Variants in RORA observed in about 807,000 individuals in gnomAD.
The protein encoded by RORA is nuclear receptor ROR-alpha.
Under a neutral mutation model 69.5 loss-of-function variants are expected in RORA, and 7 were observed. The ratio of observed to expected loss-of-function variants is 0.10; its 90% CI spans 0.06 to 0.19. The LOEUF (loss-of-function observed/expected upper bound fraction) is 0.19. Among genes scored for constraint, RORA ranks in the 10% least tolerant of loss-of-function variants. The pLI is 1.00. For synonymous variants in RORA, 261 were observed against 240.8 expected (o/e 1.08, Z -0.78); for missense variants, 457 against 663.0 (o/e 0.69, Z 3.41).
intron 2 of RORA, among the ~76,000 whole-genome samples, chr15:60,553,219 C>T (rs1177786255): frequency 1.3e-5 from 2 of 152,142 alleles, no homozygotes; most frequent in East Asian, 1.9e-4. Flanking sequence ...CTTTTCTGAA[C>T]CAGGAATTAC....
At chr15:60,820,471 T>A (rs1460558558) in intron 1 of RORA, among the ~76,000 whole-genome samples, 1 of 152,150 alleles carries the variant, frequency 6.6e-6, no homozygotes, top group Non-Finnish European at 1.5e-5. Context: ...TATTTTTATG[T>A]AAAACATAGG....
chr15:60,876,147 A>G (rs1595784229), intron 1 of RORA, among the ~76,000 whole-genome samples: 1 of 152,202 alleles, frequency 6.6e-6, no homozygotes. Context: ...TCAAGCCACA[A>G]TAGCATAAAT....
intron 1 of RORA, among the ~76,000 whole-genome samples, chr15:61,083,299 C>G (rs1258704857): frequency 4.6e-5 from 7 of 152,160 alleles, no homozygotes; most frequent in Admixed American, 3.9e-4. Context: ...AAATTCCAGG[C>G]AGAATCCAAA....
chr15:60,886,967 A>T (rs1161314482), intron 1 of RORA, among the ~76,000 whole-genome samples: 1 of 152,128 alleles, frequency 6.6e-6, no homozygotes, highest in Non-Finnish European at 1.5e-5. Context: ...CACTAGAACA[A>T]CATCATCTGT....
At chr15:60,725,732 C>A (rs866501061) in intron 1 of RORA, among the ~76,000 whole-genome samples, 1 of 152,150 alleles carries the variant, frequency 6.6e-6, no homozygotes, top group Non-Finnish European at 1.5e-5. Flanking sequence ...TTGTGCCTTT[C>A]GGGATCTAGT....
intron 1 of RORA, among the ~76,000 whole-genome samples, chr15:60,945,239 C>T (rs950416222): frequency 1.6e-4 from 24 of 152,164 alleles, no homozygotes; most frequent in Non-Finnish European, 4.4e-5. Flanking sequence ...AGAACAGGAA[C>T]TCTCATCTCT....
intron 1 of RORA, among the ~76,000 whole-genome samples, chr15:61,000,689 A>G (rs1894717320): frequency 1.3e-5 from 2 of 152,226 alleles, no homozygotes; most frequent in South Asian, 4.1e-4. Flanking sequence ...GAAAAAGGGC[A>G]ATTTGATTAC....
chr15:60,631,747 T>G (rs142006416), intron 2 of RORA, among the ~76,000 whole-genome samples: 6 of 152,226 alleles, frequency 3.9e-5, no homozygotes, highest in African/African-American at 4.8e-5. Flanking sequence ...CCTCACAGGC[T>G]CCTGGCTTAC....
At chr15:60,741,095 G>A (rs958885227) in intron 1 of RORA, among the ~76,000 whole-genome samples, 2 of 152,206 alleles carry the variant, frequency 1.3e-5, no homozygotes, top group African/African-American at 4.8e-5. Flanking sequence ...TAAACCGCTT[G>A]AGTTATCCCC....
At chr15:61,199,897 G>A (rs921097237) in intron 1 of RORA, among the ~76,000 whole-genome samples, 9 of 152,168 alleles carry the variant, frequency 5.9e-5, no homozygotes, top group African/African-American at 1.4e-4. Context: ...CCGTGCTGTC[G>A]GGGACTGGGA....
intron 2 of RORA, among the ~76,000 whole-genome samples, chr15:60,636,724 C>T (rs1283217088): frequency 6.6e-6 from 1 of 152,142 alleles, no homozygotes; most frequent in Non-Finnish European, 1.5e-5. Flanking sequence ...AATATCACCG[C>T]ATCATATTAT....
intron 1 of RORA, among the ~76,000 whole-genome samples, chr15:61,054,057 G>A (rs2078055762): frequency 6.6e-6 from 1 of 151,768 alleles, no homozygotes; most frequent in South Asian, 2.1e-4. Context: ...CAAAGCTGCT[G>A]GGTGGTAGGT....
At chr15:60,755,914 C>A (rs1341083620) in intron 1 of RORA, among the ~76,000 whole-genome samples, 1 of 152,208 alleles carries the variant, frequency 6.6e-6, no homozygotes, top group East Asian at 1.9e-4. Context: ...CATTCATTCA[C>A]TCATTCATTT....
rs139670840 is a variant in RORA, at chr15:61,058,360, G to A, written c.166+170693C>T. 3.9e-3 allele frequency among the ~76,000 whole-genome samples: 594 copies of A among 152,282 alleles called. 3 individuals are homozygous for A. Among genetic ancestry groups the A allele is most frequent in the African/African-American group, 0.014 (572 of 41,534 alleles). On this transcript the variant is annotated intron_variant, in intron 1 of 10. Coordinates refer to ENST00000335670, the MANE Select transcript of RORA (RefSeq NM_134261.3). Reference sequence around the variant, plus strand: ...TTGGATGAGTGAATGTGCAGGCGGTGCCAGTTCAGGAGGAAGAAGGAAATG... The same window carrying A: ...TTGGATGAGTGAATGTGCAGGCGGTACCAGTTCAGGAGGAAGAAGGAAATG...
intron 1 of RORA, among the ~76,000 whole-genome samples, chr15:60,871,318 C>T (rs141400190): frequency 3.5e-3 from 540 of 152,232 alleles, no homozygotes; most frequent in Non-Finnish European, 4.1e-3. Context: ...GGTAACCTTC[C>T]TGTTAAATTT....
chr15:60,551,222 T>C (rs2067219271), intron 2 of RORA, among the ~76,000 whole-genome samples: 1 of 152,022 alleles, frequency 6.6e-6, no homozygotes. Flanking sequence ...CCCTTCCCTG[T>C]TGTTTTGATA....
intron 1 of RORA, among the ~76,000 whole-genome samples, chr15:60,920,201 G>A (rs906745608): frequency 5.3e-5 from 8 of 152,178 alleles, no homozygotes; most frequent in Admixed American, 2.0e-4. Flanking sequence ...ATCTATCTAT[G>A]TATCTATCTA....
At chr15:60,547,116 C>A (rs1354765036) in intron 2 of RORA, among the ~76,000 whole-genome samples, 2 of 152,130 alleles carry the variant, frequency 1.3e-5, no homozygotes, top group African/African-American at 4.8e-5. Context: ...CATTGTCATC[C>A]ACTCTATTAA....
In RORA at chr15:60,537,916, A is replaced by C. The variant is rs1010154040; in HGVS notation, c.197-6065T>G. On this transcript the variant is annotated intron_variant, in intron 2 of 10. Transcript: ENST00000335670. This position sits in a 1 kb window ranked among gnomAD's most constrained non-coding sequence, Gnocchi z 4.9. The stretch of plus-strand genomic sequence containing the variant: ...TTTTTGGCAAAAATAGTAATGCCTG[A>C]GTTTTTGCAGAATTCTATATAGTTT... Among the ~76,000 whole-genome samples the C allele has an allele frequency of 2.6e-5, 4 of 152,158 alleles. No homozygotes were observed. The highest frequency in any genetic ancestry group is 9.7e-5 in the African/African-American group (4 of 41,434).
Sources: gnomAD v4.1 joint callset for allele counts (sites outside exome capture counted in the v4.1 genomes callset) on GRCh38, gnomAD v4.1.1 for gene constraint, Gnocchi (gnomAD v3.1) non-coding constraint, MANE v1.5 for transcripts, NCBI Gene and HGNC (gene_info 2026-07-23, HGNC 2026-07-21) for gene names.